Variants in L2HGDH observed in about 807,000 individuals in gnomAD.
The protein encoded by L2HGDH is L-2-hydroxyglutarate dehydrogenase, mitochondrial.
In L2HGDH, 34 loss-of-function variants were observed where a neutral mutation model predicts 51.5. The ratio of observed to expected loss-of-function variants is 0.66; its 90% CI spans 0.50 to 0.88. The LOEUF is 0.88. L2HGDH is among the 40% of genes least tolerant of loss of function. The pLI, the probability that L2HGDH is intolerant of heterozygous loss-of-function variation, is 0.00. For missense variants in L2HGDH, 558 were observed against 571.9 expected (o/e 0.98, Z 0.25); for synonymous variants, 198 against 197.9 (o/e 1.00, Z -0.01).
At position 50,243,533 on chromosome 14, in the gene L2HGDH, T is replaced by G. The variant is rs1029272097; in HGVS notation, c.*3525A>C. 2.7e-6 allele frequency: 2 copies of G among 737,986 alleles called. No homozygotes were observed. The highest frequency in any genetic ancestry group is 3.8e-5 in the African/African-American group (2 of 52,516). The allele number at this position is 737,986 out of a possible 1,614,324, so 45.7% of individuals were successfully genotyped here. A position where few individuals can be genotyped will look rare whatever the true frequency, so the allele number is the denominator to read the frequency against. On this transcript the variant is annotated 3_prime_UTR_variant, in exon 10 of 10. Coordinates refer to ENST00000267436, the MANE Select transcript of L2HGDH (RefSeq NM_024884.3). Reference sequence around the variant, plus strand: ...ATACATTTCTTCTGTCAGAAATACATAAAACTTTATTATATCAGTATTAAA... The same window carrying G: ...ATACATTTCTTCTGTCAGAAATACAGAAAACTTTATTATATCAGTATTAAA...
At chr14:50,256,317 C>A (rs1566504538) in intron 9 of L2HGDH, among the ~76,000 whole-genome samples, 1 of 151,044 alleles carries the variant, frequency 6.6e-6, no homozygotes, top group Non-Finnish European at 1.5e-5. Context: ...GAGTTCCAAA[C>A]CAGCTTGGAC....
intron 3 of L2HGDH, among the ~76,000 whole-genome samples, chr14:50,297,389 C>A (rs1405538638): frequency 1.4e-5 from 2 of 142,290 alleles, no homozygotes; most frequent in Non-Finnish European, 3.2e-5. Context: ...CACACACATA[C>A]ACACACAATT....
At chr14:50,278,625 A>C (rs1021015372) in intron 5 of L2HGDH, 71 bp from the exon 6 acceptor site, 1 of 803,828 alleles carries the variant, frequency 1.2e-6, no homozygotes, top group East Asian at 2.7e-5. Context: ...ATCATACTAG[A>C]AACAAACTTA....
intron 1 of L2HGDH, among the ~76,000 whole-genome samples, chr14:50,305,546 A>C (rs2030675581): frequency 6.6e-6 from 1 of 152,232 alleles, no homozygotes; most frequent in African/African-American, 2.4e-5. Context: ...GACCCTTTAC[A>C]CAACTTTCAC....
In L2HGDH at chr14:50,246,467, G is replaced by A. The variant is rs146944830; in HGVS notation, c.*591C>T. ...TTTTTTTTTTTTTTTTTTTTTTTGA[G>A]ACAAGATCTTGCTCTATCATCCAGC... On this transcript the variant is annotated 3_prime_UTR_variant, in exon 10 of 10. Transcript: ENST00000267436. 1.1e-5 allele frequency: 1 copy of A among 92,588 alleles called. No individual in the cohort carries two copies. The highest frequency in any genetic ancestry group is 2.0e-5 in the Non-Finnish European group (1 of 50,916). The allele number at this position is 92,588 out of a possible 1,614,324, so 5.7% of individuals were successfully genotyped here. A position where few individuals can be genotyped will look rare whatever the true frequency, so the allele number is the denominator to read the frequency against.
rs1890106338 is a variant in L2HGDH, at chr14:50,278,778, A to G, written c.704-224T>C. Among the ~76,000 whole-genome samples the G allele has an allele frequency of 3.3e-5, 5 of 152,340 alleles. No individual in the cohort carries two copies. In the South Asian group the frequency reaches 1.0e-3, roughly 32 times the overall value. On this transcript the variant is annotated intron_variant, in intron 5 of 9. Transcript: ENST00000267436. ...AGCTTGATTTTAATTCACCTAATCT[A>G]TGCTTATAAACCATATGCCACCTGA... is the stretch of plus-strand genomic sequence containing the variant.
In L2HGDH at chr14:50,267,931, A is replaced by G; in HGVS notation, c.907-21T>C. On this transcript the variant is annotated intron_variant, in intron 7 of 9. Coordinates refer to ENST00000267436, the MANE Select transcript of L2HGDH (RefSeq NM_024884.3). ...GGGACCTATAAATTTAACATAGTAAATAACAGCCTCATTTCACATTCCATG... is the reference window on the plus strand; with the variant it reads ...GGGACCTATAAATTTAACATAGTAAGTAACAGCCTCATTTCACATTCCATG... The G allele has an allele frequency of 2.5e-6, 4 of 1,610,580 alleles. No homozygotes were observed. In the South Asian group the frequency reaches 3.3e-5, roughly 13 times the overall value.
chr14:50,271,949 T>C (rs1163217616), intron 6 of L2HGDH, among the ~76,000 whole-genome samples: 3 of 152,162 alleles, frequency 2.0e-5, no homozygotes, highest in Admixed American at 2.0e-4. Context: ...AAGACTAGCC[T>C]GGACAACATG....
chr14:50,293,987 C>T, intron 4 of L2HGDH, 128 bp downstream of exon 4: 1 of 1,135,174 alleles, frequency 8.8e-7, no homozygotes, highest in South Asian at 1.3e-5. Context: ...GTGTCTGTCA[C>T]TTCACTACTT....
chr14:50,267,660 A>G, intron 8 of L2HGDH, 93 bp downstream of exon 8: 2 of 970,862 alleles, frequency 2.1e-6, no homozygotes, highest in South Asian at 1.4e-5. Context: ...AAATATGGGG[A>G]TTTACCCAAT....
At chr14:50,290,286 A>C (rs1019605452) in intron 4 of L2HGDH, among the ~76,000 whole-genome samples, 2 of 152,000 alleles carry the variant, frequency 1.3e-5, no homozygotes, top group Non-Finnish European at 2.9e-5. Context: ...AACAAAAACA[A>C]ACAAACAAAA....
At chr14:50,302,563 T>C (rs942162036) in intron 2 of L2HGDH, among the ~76,000 whole-genome samples, 6 of 152,168 alleles carry the variant, frequency 3.9e-5, no homozygotes, top group Non-Finnish European at 8.8e-5. Context: ...TCCTGGGAAA[T>C]ACTACATTGC....
intron 9 of L2HGDH, among the ~76,000 whole-genome samples, chr14:50,252,632 T>C (rs1888431053): frequency 6.6e-6 from 1 of 152,048 alleles, no homozygotes; most frequent in Admixed American, 6.6e-5. Context: ...ATAGCTAGAA[T>C]AGCTATATTG....
chr14:50,261,289 G>C (rs866567236), intron 9 of L2HGDH, among the ~76,000 whole-genome samples: 1 of 152,114 alleles, frequency 6.6e-6, no homozygotes, highest in African/African-American at 2.4e-5. Context: ...ACACACTCTA[G>C]TTATCACTTG....
chr14:50,294,282 G>A (rs1370712226), intron 3 of L2HGDH, 36 bp from the exon 4 acceptor site: 3 of 1,599,334 alleles, frequency 1.9e-6, no homozygotes, highest in Non-Finnish European at 1.7e-6. Context: ...ATGGATAGAG[G>A]TGAATGTATC....
intron 6 of L2HGDH, among the ~76,000 whole-genome samples, chr14:50,275,591 T>C (rs1889933229): frequency 6.6e-6 from 1 of 152,224 alleles, no homozygotes; most frequent in South Asian, 2.1e-4. Context: ...CTCATGGAAT[T>C]CACTGATTTT....
intron 3 of L2HGDH, among the ~76,000 whole-genome samples, chr14:50,296,372 C>CAAA (rs59868876): frequency 0.022 from 694 of 31,172 alleles, 110 homozygotes; most frequent in African/African-American, 0.072. Flanking sequence ...GACCCTGTCT[C>CAAA]AAAAAAAAAA....
chr14:50,282,640 G>C (rs886688086), intron 5 of L2HGDH: 4 of 387,650 alleles, frequency 1.0e-5, no homozygotes, highest in Admixed American at 6.5e-5. Context: ...TACTCTCTCT[G>C]TGCCTGTTTT....
rs1441668249 is a variant in L2HGDH, at chr14:50,293,374, A to G, written c.540+741T>C. On this transcript the variant is annotated intron_variant, in intron 4 of 9. Transcript: ENST00000267436. Reference sequence around the variant, plus strand: ...GACTGTAGATCTAAATGTGAAATGTAAAACAATAAAACTTTTAGAAAAACA... The same window carrying G: ...GACTGTAGATCTAAATGTGAAATGTGAAACAATAAAACTTTTAGAAAAACA... 6.4e-6 allele frequency: 4 copies of G among 625,672 alleles called. No homozygotes were observed. The Admixed American group carries it at 7.7e-5, about 12-fold the overall frequency. 38.8% of individuals were successfully genotyped at this position (625,672 alleles called of 1,614,324 possible).
Sources: allele counts gnomAD v4.1 joint callset (sites outside exome capture counted in the v4.1 genomes callset), GRCh38; gene constraint gnomAD v4.1.1; transcripts MANE v1.5; gene names NCBI Gene and HGNC (gene_info 2026-07-23, HGNC 2026-07-21).